The following R3HCC1L variants were observed in gnomAD, a reference collection of about 807,000 sequenced individuals.
R3HCC1L encodes the protein coiled-coil domain-containing protein R3HCC1L.
In R3HCC1L, 51 loss-of-function variants were observed where a neutral mutation model predicts 59.9. That is an observed-to-expected ratio of 0.85 (90% CI 0.68 to 1.07). The LOEUF (loss-of-function observed/expected upper bound fraction) is 1.07, where lower values mean the gene tolerates loss of function less well. Ranked by LOEUF, R3HCC1L falls within the 50% of genes least tolerant of loss-of-function variation. The pLI is 0.00. For missense variants in R3HCC1L, 965 were observed against 933.0 expected (o/e 1.03, Z -0.45); for synonymous variants, 322 against 315.2 (o/e 1.02, Z -0.23).
chr10:98,220,386 C>CTT (rs143442343), intron 5 of R3HCC1L, among the ~76,000 whole-genome samples: 22 of 128,018 alleles, frequency 1.7e-4, no homozygotes, highest in Non-Finnish European at 2.5e-4. Context: ...TTTTTCCCAT[C>CTT]TTTTTTTTTT....
Position 98,179,978 on chromosome 10 carries a change from A to G in R3HCC1L, c.-15+16581A>G, listed in dbSNP as rs185314624. ...TCTTTATTAGTCTTGCTAGTGGTCT[A>G]TCAATTTTGTTGACCTTTTCAAAAA... On this transcript the variant is annotated intron_variant, in intron 4 of 9. Transcript: ENST00000298999. Among the ~76,000 whole-genome samples the G allele has an allele frequency of 1.4e-4, 21 of 152,230 alleles. No individual in the cohort carries two copies. The East Asian group carries it at 3.3e-3, about 24-fold the overall frequency.
intron 1 of R3HCC1L, among the ~76,000 whole-genome samples, chr10:98,150,979 G>A (rs909673954): frequency 2.6e-5 from 4 of 152,114 alleles, no homozygotes; most frequent in Admixed American, 1.3e-4. Context: ...TGAGTCGGGG[G>A]GAAATTTTCT....
chr10:98,137,328 C>G (rs534372609), intron 1 of R3HCC1L, among the ~76,000 whole-genome samples: 2 of 152,188 alleles, frequency 1.3e-5, no homozygotes, highest in Non-Finnish European at 2.9e-5. Context: ...TTCCTAATCT[C>G]TCAAATGGAG....
chr10:98,199,539 T>C (rs1851811504), intron 4 of R3HCC1L, among the ~76,000 whole-genome samples: 1 of 152,058 alleles, frequency 6.6e-6, no homozygotes, highest in Non-Finnish European at 1.5e-5. Flanking sequence ...TAATTCTTTA[T>C]AATTCTTTTT....
At chr10:98,151,885 T>G (rs968384042) in intron 1 of R3HCC1L, among the ~76,000 whole-genome samples, 1 of 152,194 alleles carries the variant, frequency 6.6e-6, no homozygotes, top group African/African-American at 2.4e-5. Context: ...TCATGTCTGT[T>G]GAGTAAGAAA....
intron 5 of R3HCC1L, among the ~76,000 whole-genome samples, chr10:98,225,143 A>C (rs970608144): frequency 6.6e-6 from 1 of 152,146 alleles, no homozygotes; most frequent in Non-Finnish European, 1.5e-5. Context: ...CATTTTACTT[A>C]TTACATAGCC....
intron 2 of R3HCC1L, among the ~76,000 whole-genome samples, chr10:98,158,422 G>A (rs1161273907): frequency 6.6e-6 from 1 of 152,070 alleles, no homozygotes; most frequent in Non-Finnish European, 1.5e-5. Flanking sequence ...AATTTATGTT[G>A]ACATTATTTC....
At chr10:98,242,520 G>T (rs1488378309) in intron 9 of R3HCC1L, among the ~76,000 whole-genome samples, 7 of 152,182 alleles carry the variant, frequency 4.6e-5, no homozygotes, top group Admixed American at 4.6e-4. Context: ...TTTCAAGTTA[G>T]ATTTGCCTCC....
chr10:98,236,516 G>C (rs1484151440), intron 9 of R3HCC1L, among the ~76,000 whole-genome samples: 1 of 152,168 alleles, frequency 6.6e-6, no homozygotes, highest in Non-Finnish European at 1.5e-5. Flanking sequence ...GTTTTACTGG[G>C]CCACGATTGC....
intron 4 of R3HCC1L, among the ~76,000 whole-genome samples, chr10:98,179,201 G>T (rs1017630144): frequency 1.3e-5 from 2 of 152,144 alleles, no homozygotes; most frequent in African/African-American, 2.4e-5. Flanking sequence ...CTGTGGGTTT[G>T]TCATAAATAG....
chr10:98,177,934 C>T (rs920697531), intron 4 of R3HCC1L, among the ~76,000 whole-genome samples: 1 of 151,936 alleles, frequency 6.6e-6, no homozygotes, highest in Admixed American at 6.6e-5. Context: ...TGTTTAAGTT[C>T]TTTGTAGATT....
chr10:98,205,181 A>T (rs967502410), intron 4 of R3HCC1L, among the ~76,000 whole-genome samples: 30 of 152,260 alleles, frequency 2.0e-4, no homozygotes, highest in Admixed American at 1.3e-4. Flanking sequence ...TAATTATTTT[A>T]CTACATTTTA....
intron 6 of R3HCC1L, 95 bp from the exon 7 acceptor site, chr10:98,234,351 C>CT (rs1219143982): frequency 8.9e-7 from 1 of 1,125,840 alleles, no homozygotes; most frequent in East Asian, 2.5e-5. Flanking sequence ...TTGAGTGTTT[C>CT]TATCTTGTGA....
intron 1 of R3HCC1L, among the ~76,000 whole-genome samples, chr10:98,154,590 A>AACTTAGCC (rs1846652996): frequency 6.7e-6 from 1 of 150,004 alleles, no homozygotes; most frequent in African/African-American, 2.5e-5. Context: ...CCATTGGTCA[A>AACTTAGCC]ACTTAGCCAC....
intron 5 of R3HCC1L, among the ~76,000 whole-genome samples, chr10:98,227,518 AG>A (rs1855800009): frequency 1.3e-5 from 2 of 151,750 alleles, no homozygotes; most frequent in Non-Finnish European, 2.9e-5. Flanking sequence ...ACAGAGAGAG[AG>A]AGAGAGAGAA....
intron 4 of R3HCC1L, among the ~76,000 whole-genome samples, chr10:98,182,900 C>T (rs947487950): frequency 3.9e-5 from 6 of 152,096 alleles, no homozygotes; most frequent in Admixed American, 2.0e-4. Context: ...TAGAAAAGTG[C>T]GGTATTTGGG....
At chr10:98,226,135 T>C (rs1855650278) in intron 5 of R3HCC1L, among the ~76,000 whole-genome samples, 1 of 152,182 alleles carries the variant, frequency 6.6e-6, no homozygotes, top group Admixed American at 6.5e-5. Flanking sequence ...CCACCATGCC[T>C]GGCCTGTAAC....
At chr10:98,221,400 A>T (rs1407667630) in intron 5 of R3HCC1L, among the ~76,000 whole-genome samples, 1 of 147,990 alleles carries the variant, frequency 6.8e-6, no homozygotes, top group Non-Finnish European at 1.5e-5. Context: ...CCCATTTGTC[A>T]ATTTTGGCTT....
At chr10:98,138,629 T>G (rs1023836347) in intron 1 of R3HCC1L, among the ~76,000 whole-genome samples, 1 of 152,192 alleles carries the variant, frequency 6.6e-6, no homozygotes, top group South Asian at 2.1e-4. Flanking sequence ...TGTGTGAGTA[T>G]GTATAGTGGA....
Sources: allele counts gnomAD v4.1 joint callset (sites outside exome capture counted in the v4.1 genomes callset), GRCh38; gene constraint gnomAD v4.1.1; transcripts MANE v1.5; gene names NCBI Gene and HGNC (gene_info 2026-07-23, HGNC 2026-07-21).